FSTL4: variants seen among roughly 807,000 people sequenced by gnomAD.
FSTL4 encodes the protein follistatin-related protein 4.
Under a neutral mutation model 78.2 loss-of-function variants are expected in FSTL4, and 28 were observed. The ratio of observed to expected loss-of-function variants is 0.36; its 90% CI spans 0.27 to 0.49. The LOEUF is 0.49. Among genes scored for constraint, FSTL4 ranks in the 20% least tolerant of loss-of-function variants. The pLI is 0.98. For missense variants in FSTL4, 922 were observed against 1,084.9 expected (o/e 0.85, Z 2.11); for synonymous variants, 422 against 440.5 (o/e 0.96, Z 0.53).
Position 133,581,665 on chromosome 5 carries a change from C to T in FSTL4, c.127-14446G>A, listed in dbSNP as rs567076866. ...AGAAGTGGGCATTTTGCCCACACTT[C>T]TCTCATAGGCTAACCCAGCAGTTCT... On this transcript the variant is annotated intron_variant, in intron 2 of 15. Transcript: ENST00000265342. 9.2e-5 allele frequency among the ~76,000 whole-genome samples: 14 copies of T among 152,366 alleles called. No individual in the cohort carries two copies. The East Asian group carries it at 2.7e-3, about 29-fold the overall frequency.
the FSTL4 span, among the ~76,000 whole-genome samples, chr5:133,653,496 C>A: frequency 1.3e-5 from 2 of 152,186 alleles, no homozygotes; most frequent in Non-Finnish European, 2.9e-5. Flanking sequence ...CAGGCCCCTG[C>A]CTAGCATCTT....
chr5:133,752,898 C>A, the FSTL4 span, among the ~76,000 whole-genome samples: 1 of 152,082 alleles, frequency 6.6e-6, no homozygotes, highest in African/African-American at 2.4e-5. Flanking sequence ...TATTTTCTTG[C>A]GCTCTGAGCC....
At chr5:133,732,163 G>A in the FSTL4 span, among the ~76,000 whole-genome samples, 1 of 152,212 alleles carries the variant, frequency 6.6e-6, no homozygotes, top group Admixed American at 6.5e-5. Flanking sequence ...GCTCTGAGGA[G>A]CAGGAAACCT....
chr5:133,516,444 TA>T (rs1347136243), intron 3 of FSTL4, among the ~76,000 whole-genome samples: 2 of 152,084 alleles, frequency 1.3e-5, no homozygotes, highest in Non-Finnish European at 2.9e-5. Flanking sequence ...AAAATGTCTA[TA>T]AAATGTGCAA....
intron 3 of FSTL4, among the ~76,000 whole-genome samples, chr5:133,525,572 G>T (rs1047499748): frequency 6.6e-6 from 1 of 152,224 alleles, no homozygotes; most frequent in African/African-American, 2.4e-5. Context: ...ACTGGCAAAT[G>T]ATCATCAGAA....
intron 1 of FSTL4, 139 bp from the exon 2 acceptor site, chr5:133,604,132 G>A (rs777856783): frequency 1.6e-5 from 10 of 628,272 alleles, no homozygotes; most frequent in Non-Finnish European, 2.8e-5. Flanking sequence ...CTACCTTGGA[G>A]AGGTTATATT....
At chr5:133,354,750 T>C (rs1580644000) in intron 4 of FSTL4, among the ~76,000 whole-genome samples, 1 of 152,284 alleles carries the variant, frequency 6.6e-6, no homozygotes, top group East Asian at 1.9e-4. Flanking sequence ...ATCTTATAAT[T>C]CAAAGGCCAC....
intron 4 of FSTL4, among the ~76,000 whole-genome samples, chr5:133,368,357 C>G (rs1755221473): frequency 6.6e-6 from 1 of 152,220 alleles, no homozygotes; most frequent in Non-Finnish European, 1.5e-5. Flanking sequence ...TTGTCACACA[C>G]CAGTGCTGTC....
At chr5:133,763,465 C>T in the FSTL4 span, among the ~76,000 whole-genome samples, 1 of 152,222 alleles carries the variant, frequency 6.6e-6, no homozygotes, top group Non-Finnish European at 1.5e-5. Flanking sequence ...CATTTATCTG[C>T]ATTACAGATG....
chr5:133,457,223 C>T (rs1014734353), intron 3 of FSTL4, among the ~76,000 whole-genome samples: 6 of 152,130 alleles, frequency 3.9e-5, no homozygotes, highest in African/African-American at 9.7e-5. Flanking sequence ...AATTTTAACT[C>T]GGTTGCAAAA....
intron 6 of FSTL4, among the ~76,000 whole-genome samples, chr5:133,296,976 T>A (rs1417252283): frequency 6.6e-6 from 1 of 152,108 alleles, no homozygotes; most frequent in African/African-American, 2.4e-5. Context: ...CAGGTGTAGG[T>A]TCTGAGGGGG....
chr5:133,509,379 A>G (rs759057548), intron 3 of FSTL4, among the ~76,000 whole-genome samples: 20 of 152,138 alleles, frequency 1.3e-4, no homozygotes, highest in Non-Finnish European at 2.4e-4. Flanking sequence ...TGGCCTGTCC[A>G]GATTTTTGCT....
At chr5:133,577,345 C>T (rs1380251727) in intron 2 of FSTL4, among the ~76,000 whole-genome samples, 3 of 152,158 alleles carry the variant, frequency 2.0e-5, no homozygotes, top group Non-Finnish European at 4.4e-5. Flanking sequence ...AGAAATGCCA[C>T]TTAATCGAGG....
At chr5:133,524,194 G>C (rs1402347096) in intron 3 of FSTL4, among the ~76,000 whole-genome samples, 1 of 152,212 alleles carries the variant, frequency 6.6e-6, no homozygotes, top group African/African-American at 2.4e-5. Flanking sequence ...GGAAGCTGGA[G>C]AGAGAGATGG....
At chr5:133,603,180 AACCCCAAATTCATGGGACCTACT>A (rs1436298727) in intron 2 of FSTL4, among the ~76,000 whole-genome samples, 1 of 152,168 alleles carries the variant, frequency 6.6e-6, no homozygotes, top group Non-Finnish European at 1.5e-5. Flanking sequence ...TTTGCCCATG[AACCCCAAATTCATGGGACCTACT>A]ACCTTGGAGA....
At chr5:133,355,960 C>T (rs187006740) in intron 4 of FSTL4, among the ~76,000 whole-genome samples, 202 of 152,230 alleles carry the variant, frequency 1.3e-3, no homozygotes, top group Non-Finnish European at 2.2e-3. Context: ...AGGAAATCCT[C>T]GCATGGCTAG....
chr5:133,828,965 C>T, the FSTL4 span, among the ~76,000 whole-genome samples: 45 of 152,314 alleles, frequency 3.0e-4, no homozygotes, highest in Non-Finnish European at 5.9e-4. Flanking sequence ...GGGCAGGCAG[C>T]CTCACCAGCA....
At chr5:133,733,927 G>A in the FSTL4 span, among the ~76,000 whole-genome samples, 54 of 152,324 alleles carry the variant, frequency 3.5e-4, no homozygotes, top group South Asian at 6.2e-4. Context: ...TTGGCATGAC[G>A]CCTCAGTGCC....
Position 133,221,910 on chromosome 5 carries a change from T to TTG in FSTL4, c.1340-1045_1340-1044insCA, listed in dbSNP as rs1561626793. Among the ~76,000 whole-genome samples, 346 of 115,258 alleles carry TTG rather than the reference T, an allele frequency of 3.0e-3. 5 individuals carry two copies. Among genetic ancestry groups the TTG allele is most frequent in the African/African-American group, 0.014 (331 of 23,042 alleles). 75.6% of individuals were successfully genotyped at this position (115,258 alleles called of 152,430 possible). On this transcript the variant is annotated intron_variant, in intron 11 of 15. Coordinates refer to ENST00000265342, the MANE Select transcript of FSTL4 (RefSeq NM_015082.2). ...TTTCTAGTTTTTTTTTTTTTTTTTT[T>TTG]TTTTTTTTTTTTTTTTTAGCATGCT...
Sources: allele counts gnomAD v4.1 joint callset (sites outside exome capture counted in the v4.1 genomes callset), GRCh38; gene constraint gnomAD v4.1.1; transcripts MANE v1.5; gene names NCBI Gene and HGNC (gene_info 2026-07-23, HGNC 2026-07-21).